Variants in BOD1L1 observed in about 807,000 individuals in gnomAD.
The protein encoded by BOD1L1 is biorientation of chromosomes in cell division 1 like 1.
BOD1L1 carries 86 observed loss-of-function variants against 240.7 expected under a neutral mutation model. That is an observed-to-expected ratio of 0.36 (90% CI 0.30 to 0.43). The LOEUF is 0.43. BOD1L1 is among the 20% of genes least tolerant of loss of function. The pLI is 1.00. For missense variants in BOD1L1, 3,554 were observed against 3,643.5 expected (o/e 0.98, Z 0.63); for synonymous variants, 1,268 against 1,272.3 (o/e 1.00, Z 0.07).
At chr4:13,619,444 G>A (rs759836697) in intron 2 of BOD1L1, among the ~76,000 whole-genome samples, 10 of 152,070 alleles carry the variant, frequency 6.6e-5, no homozygotes, top group Non-Finnish European at 1.5e-5. Flanking sequence ...GAGGGGAGGT[G>A]GGGAGCTATA....
intron 12 of BOD1L1, chr4:13,592,187 C>A: frequency 2.1e-6 from 1 of 486,288 alleles, no homozygotes. Flanking sequence ...ATTAATGTTG[C>A]CTGCATTTTT....
At chr4:13,578,131 C>T (rs1485889914) in intron 22 of BOD1L1, 1 of 153,680 alleles carries the variant, frequency 6.5e-6, no homozygotes, top group Non-Finnish European at 1.4e-5. Context: ...CTCTTGAACT[C>T]CTGACCTCAG....
chr4:13,603,151 T>C lies in BOD1L1; in HGVS notation c.3749A>G (p.Asp1250Gly), dbSNP rs2108954081. ...RMLLSAPSENDRVQKNLKNTA... is the reference protein window; with the variant it reads ...RMLLSAPSENGRVQKNLKNTA... Reference sequence around the variant, plus strand: ...GTTTTTCAAATTCTTCTGTACCCTATCATTTTCTGATGGGGCACTCAGTAA... The same window carrying C: ...GTTTTTCAAATTCTTCTGTACCCTACCATTTTCTGATGGGGCACTCAGTAA... Residue 1250 changes from aspartate to glycine, a missense_variant, in exon 10 of 26, where the codon GAT becomes GGT. By Grantham distance (94) the Asp-to-Gly change is moderately conservative. This residue lies in a region of BOD1L1 where 3,393 missense variants were observed against 3,427.1 expected (regional missense o/e 0.99). Coordinates refer to ENST00000040738, the MANE Select transcript of BOD1L1 (RefSeq NM_148894.3). 1 of 1,614,056 alleles carries C rather than the reference T, an allele frequency of 6.2e-7. No homozygotes were observed. Among genetic ancestry groups the C allele is most frequent in the South Asian group, 1.1e-5 (1 of 91,086 alleles).
chr4:13,570,157 G>A (rs1560173194), intron 25 of BOD1L1, 29 bp from the exon 26 acceptor site: 6 of 1,478,354 alleles, frequency 4.1e-6, no homozygotes, highest in Non-Finnish European at 5.4e-6. Context: ...AGGCAATGGT[G>A]AGGTTTAAAA....
chr4:13,614,466 GAA>G lies in BOD1L1; in HGVS notation c.902_903del (p.Ile301ThrfsTer4). 6.2e-7 allele frequency: 1 copy of G among 1,613,198 alleles called. No individual in the cohort carries two copies. Among genetic ancestry groups the G allele is most frequent in the Non-Finnish European group, 8.5e-7 (1 of 1,179,678 alleles). On this transcript the variant is annotated frameshift_variant, in exon 4 of 26. Transcript: ENST00000040738. LOFTEE classifies it high-confidence loss of function. ...TCCTGTTGAACATCCTTATTTAGCA[GAA>G]TTAAATTATTATGCTCTTTTGTGTA... ...KNYTKEHNNL[I>X]LLNKDVQQES... is the part of the protein sequence containing the mutation.
At chr4:13,624,010 A>G (rs1179336026) in intron 1 of BOD1L1, 1 of 152,012 alleles carries the variant, frequency 6.6e-6, no homozygotes, top group East Asian at 1.9e-4. Flanking sequence ...CTTTTTGGGA[A>G]GCAGGGGGGA....
chr4:13,591,043 T>G (rs1714549197), intron 13 of BOD1L1, among the ~76,000 whole-genome samples: 1 of 152,066 alleles, frequency 6.6e-6, no homozygotes, highest in Non-Finnish European at 1.5e-5. Flanking sequence ...TTAAAGTCTT[T>G]TTAAATTTTA....
chr4:13,600,793 G>A lies in BOD1L1; in HGVS notation c.6107C>T (p.Thr2036Ile), dbSNP rs749124154. The A allele has an allele frequency of 6.2e-7, 1 of 1,613,946 alleles. No individual in the cohort carries two copies. Among genetic ancestry groups the A allele is most frequent in the Non-Finnish European group, 8.5e-7 (1 of 1,179,882 alleles). ...ATCACACTCTTCATTTTCTACAGAG[G>A]TGATGATGTCCTCATCTTCTTTTTC... ...PSEKEDEDIITSVENEECDGL... is the reference protein window; with the variant it reads ...PSEKEDEDIIISVENEECDGL... The change falls in exon 10 of 26, where the codon ACC becomes ATC. Residue 2036 changes from threonine to isoleucine, a missense_variant. Around this residue, in one of 2 missense-constraint regions of BOD1L1, gnomAD observed 3,393 missense variants for 3,427.1 expected, o/e 0.99. Transcript: ENST00000040738.
intron 18 of BOD1L1, 133 bp downstream of exon 18, chr4:13,582,519 G>T: frequency 1.4e-6 from 1 of 725,926 alleles, no homozygotes; most frequent in Non-Finnish European, 2.3e-6. Flanking sequence ...TGATTCCCTA[G>T]CCCTATTAAT....
Position 13,599,625 on chromosome 4 carries a change from A to G in BOD1L1, c.7275T>C (p.Ala2425=), listed in dbSNP as rs755824913. ...KPSAGQGHPS[A]VCAEKEEKHG... Reference sequence around the variant, plus strand: ...GCTTCTCTTCTTTTTCCGCACAAACAGCACTTGGATGGCCTTGCCCTGCAG... The same window carrying G: ...GCTTCTCTTCTTTTTCCGCACAAACGGCACTTGGATGGCCTTGCCCTGCAG... Residue 2425 remains alanine (A), a synonymous_variant, in exon 10 of 26, where the codon GCT becomes GCC. Transcript: ENST00000040738. The G allele has an allele frequency of 3.1e-6, 5 of 1,613,994 alleles. No individual in the cohort carries two copies. The highest frequency in any genetic ancestry group is 3.3e-5 in the Admixed American group (2 of 60,016).
intron 17 of BOD1L1, among the ~76,000 whole-genome samples, chr4:13,583,481 T>C (rs1713400603): frequency 6.6e-6 from 1 of 152,204 alleles, no homozygotes; most frequent in East Asian, 1.9e-4. Context: ...CCGATTTCCC[T>C]ACTTGGATGC....
In BOD1L1 at chr4:13,619,961, A is replaced by G; in HGVS notation, c.350T>C (p.Ile117Thr). 1 of 1,611,494 alleles carries G rather than the reference A, an allele frequency of 6.2e-7. No homozygotes were observed. Reference sequence around the variant, plus strand: ...GACTTACTTGAGGACTTGTTGTCTAATGTTGTTTCTTAGCTGGTTCTTATT... The same window carrying G: ...GACTTACTTGAGGACTTGTTGTCTAGTGTTGTTTCTTAGCTGGTTCTTATT... ...HLNKNQLRNNIRQQVLKSGML... is the reference protein window; with the variant it reads ...HLNKNQLRNNTRQQVLKSGML... The change falls in exon 2 of 26, where the codon ATT (isoleucine) becomes ACT (threonine). Residue 117 changes from isoleucine (I) to threonine (T), a missense_variant. By Grantham distance (89) the Ile-to-Thr change is moderately conservative. This residue lies in a region of BOD1L1 where 161 missense variants were observed against 216.4 expected (regional missense o/e 0.74). Transcript: ENST00000040738.
At chr4:13,582,806 C>G (rs903901466) in intron 17 of BOD1L1, 70 bp from the exon 18 acceptor site, 3 of 1,060,008 alleles carry the variant, frequency 2.8e-6, no homozygotes, top group Non-Finnish European at 4.2e-6. Flanking sequence ...CCTCCCCACA[C>G]AAGTTTGCCT....
In BOD1L1 at chr4:13,616,850, T is replaced by G. The variant is rs535033014; in HGVS notation, c.369-1348A>C. On this transcript the variant is annotated intron_variant, in intron 2 of 25. Coordinates refer to ENST00000040738, the MANE Select transcript of BOD1L1 (RefSeq NM_148894.3). ...TTTAAAGATTAAAAAAAAATGCAAA[T>G]CTTGCAAACACTGTTACATCTTAGA... Among the ~76,000 whole-genome samples the G allele has an allele frequency of 3.9e-4, 59 of 152,052 alleles. No individual in the cohort carries two copies. The South Asian group carries it at 8.1e-3, about 21-fold the overall frequency.
chr4:13,590,736 T>C (rs984646897), intron 13 of BOD1L1, among the ~76,000 whole-genome samples: 1 of 152,180 alleles, frequency 6.6e-6, no homozygotes, highest in African/African-American at 2.4e-5. Flanking sequence ...TTCCATAAAT[T>C]TCCCTTCCCA....
At chr4:13,622,881 T>C (rs1717133948) in intron 1 of BOD1L1, among the ~76,000 whole-genome samples, 1 of 152,176 alleles carries the variant, frequency 6.6e-6, no homozygotes, top group Admixed American at 6.5e-5. Flanking sequence ...TGAGCTCGAG[T>C]AAAAGCCAAG....
At chr4:13,611,174 T>A in intron 5 of BOD1L1, 74 bp from the exon 6 acceptor site, 2 of 1,107,828 alleles carry the variant, frequency 1.8e-6, no homozygotes, top group Non-Finnish European at 2.5e-6. Flanking sequence ...GTACAAGCAG[T>A]AAAGGCAAGA....
Position 13,627,414 on chromosome 4 carries a change from C to T in BOD1L1, c.174G>A (p.Val58=), listed in dbSNP as rs1717480341. Residue 58 remains valine, a synonymous_variant, in exon 1 of 26, where the codon GTG becomes GTA. Transcript: ENST00000040738. ...AGAGCCCCTGGCTCTTGAGGTGGTT[C>T]ACGATCATGGCCACGAGCTGCGGGT... The part of the protein sequence containing the change: ...AGDPQLVAMI[V]NHLKSQGLFD... 7.2e-7 allele frequency: 1 copy of T among 1,389,566 alleles called. No homozygotes were observed. Among genetic ancestry groups the T allele is most frequent in the Non-Finnish European group, 9.5e-7 (1 of 1,057,744 alleles). The allele number at this position is 1,389,566 out of a possible 1,614,324, so 86.1% of individuals were successfully genotyped here.
chr4:13,582,316 GA>G lies in BOD1L1; in HGVS notation c.8519-7del. The G allele has an allele frequency of 6.2e-7, 1 of 1,611,272 alleles. No individual in the cohort carries two copies. Among genetic ancestry groups the G allele is most frequent in the Non-Finnish European group, 8.5e-7 (1 of 1,178,330 alleles). ...TTCACTGCTGCTATATTCATCTGTA[GA>G]AAAGGAAGAACTTTGTTCAATGCTA... On this transcript the variant is annotated splice_region_variant and splice_polypyrimidine_tract_variant and intron_variant, in intron 18 of 25. Coordinates refer to ENST00000040738, the MANE Select transcript of BOD1L1 (RefSeq NM_148894.3).
Sources: gnomAD v4.1 joint callset for allele counts (sites outside exome capture counted in the v4.1 genomes callset) on GRCh38, gnomAD v4.1.1 for gene constraint, gnomAD v4.1.1 regional missense constraint, MANE v1.5 for transcripts, NCBI Gene and HGNC (gene_info 2026-07-23, HGNC 2026-07-21) for gene names.